The following FARP2 variants were observed in gnomAD, a reference collection of about 807,000 sequenced individuals.
The protein encoded by FARP2 is FERM, ARHGEF and pleckstrin domain-containing protein 2.
Under a neutral mutation model 130.5 loss-of-function variants are expected in FARP2, and 111 were observed. The observed-to-expected ratio is 0.85, with a 90% CI of 0.73 to 1.00. The LOEUF (loss-of-function observed/expected upper bound fraction) is 1.00. Ranked by LOEUF, FARP2 falls within the 50% of genes least tolerant of loss-of-function variation. FARP2 has a pLI of 0.00. For missense variants in FARP2, 1,385 were observed against 1,346.3 expected (o/e 1.03, Z -0.45); for synonymous variants, 504 against 516.9 (o/e 0.98, Z 0.34).
Position 241,431,663 on chromosome 2 carries a change from G to C in FARP2, c.772-16G>C. The C allele has an allele frequency of 7.4e-7, 1 of 1,358,972 alleles. No homozygotes were observed. 84.2% of individuals were successfully genotyped at this position (1,358,972 alleles called of 1,614,324 possible). A position where few individuals can be genotyped will look rare whatever the true frequency, so the allele number is the denominator to read the frequency against. On this transcript the variant is annotated splice_polypyrimidine_tract_variant and intron_variant, in intron 8 of 26. Coordinates refer to ENST00000264042, the MANE Select transcript of FARP2 (RefSeq NM_014808.4). ...TGCCAGATACAAATGTAATCTGTCTGTCTCTTGCATTTCAGGGCACCACCA... is the reference window on the plus strand; with the variant it reads ...TGCCAGATACAAATGTAATCTGTCTCTCTCTTGCATTTCAGGGCACCACCA...
At chr2:241,489,258 T>C (rs1308379009) in intron 21 of FARP2, 1 of 152,230 alleles carries the variant, frequency 6.6e-6, no homozygotes, top group African/African-American at 2.4e-5. Context: ...TTCCTGACTG[T>C]TAAGGGAAGG....
rs1180224982 is a variant in FARP2 at position 241,453,769 on chromosome 2, G to GTTTTTTTTTTTTTTTTTTTTTTTTTTT, written c.1412-2972_1412-2946dup. ...TGTTTACTGGGAGTGGCACTTACTG[G>GTTTTTTTTTTTTTTTTTTTTTTTTTTT]TTTTTTTTTTTTTTTTTTTTTTTTT... On this transcript the variant is annotated intron_variant, in intron 13 of 26. Coordinates refer to ENST00000264042, the MANE Select transcript of FARP2 (RefSeq NM_014808.4). Among the ~76,000 whole-genome samples, 2 of 54,020 alleles carry GTTTTTTTTTTTTTTTTTTTTTTTTTTT rather than the reference G, an allele frequency of 3.7e-5. 1 individual carries two copies. The highest frequency in any genetic ancestry group is 1.5e-4 in the African/African-American group (2 of 13,688). The allele number at this position is 54,020 out of a possible 152,430, so 35.4% of individuals were successfully genotyped here. A position where few individuals can be genotyped will look rare whatever the true frequency, so the allele number is the denominator to read the frequency against.
chr2:241,449,893 G>A (rs563680311), intron 13 of FARP2, among the ~76,000 whole-genome samples: 3 of 152,002 alleles, frequency 2.0e-5, no homozygotes, highest in Non-Finnish European at 2.9e-5. Context: ...TGTAATCCCA[G>A]CTATTCAGGA....
intron 14 of FARP2, among the ~76,000 whole-genome samples, chr2:241,458,610 C>CA (rs1291762209): frequency 4.0e-5 from 6 of 151,688 alleles, no homozygotes; most frequent in Non-Finnish European, 7.4e-5. Flanking sequence ...AGACTGTTTC[C>CA]AAAAAAGATG....
chr2:241,366,100 A>T (rs796473903), intron 1 of FARP2, among the ~76,000 whole-genome samples: 3,155 of 9,208 alleles, frequency 0.34, 183 homozygotes, highest in African/African-American at 0.44. Flanking sequence ...ACTAAAAAAA[A>T]AAAAATATAT....
intron 21 of FARP2, among the ~76,000 whole-genome samples, chr2:241,486,481 A>C (rs1042395453): frequency 1.4e-5 from 2 of 137,982 alleles, no homozygotes; most frequent in Admixed American, 7.6e-5. Context: ...AAAAAAAAAA[A>C]AAAAAACACA....
chr2:241,410,918 T>C, intron 5 of FARP2, 115 bp from the exon 6 acceptor site: 1 of 719,186 alleles, frequency 1.4e-6, no homozygotes, highest in Non-Finnish European at 2.4e-6. Context: ...TTGCTCACTG[T>C]TGGGTCACTG....
intron 2 of FARP2, among the ~76,000 whole-genome samples, chr2:241,389,411 T>TA (rs1366132910): frequency 6.6e-6 from 1 of 152,252 alleles, no homozygotes; most frequent in African/African-American, 2.4e-5. Flanking sequence ...GGCCATCTGT[T>TA]AACCAAGCCT....
intron 8 of FARP2, among the ~76,000 whole-genome samples, chr2:241,424,796 G>A (rs1019466910): frequency 3.3e-5 from 5 of 152,052 alleles, no homozygotes; most frequent in Admixed American, 6.6e-5. Context: ...AAATATAAAC[G>A]ATCATCAGAG....
intron 17 of FARP2, chr2:241,465,465 C>T (rs748755204): frequency 5.9e-5 from 91 of 1,550,336 alleles, no homozygotes; most frequent in Non-Finnish European, 7.8e-6. Flanking sequence ...TTCAGGTGTT[C>T]CAGCTCCACG....
intron 1 of FARP2, among the ~76,000 whole-genome samples, chr2:241,359,764 A>G (rs866675442): frequency 3.3e-5 from 5 of 152,198 alleles, no homozygotes; most frequent in African/African-American, 7.2e-5. Flanking sequence ...ACACCATGCA[A>G]TCACGATGGG....
intron 22 of FARP2, 51 bp downstream of exon 22, chr2:241,490,095 G>C: frequency 7.6e-7 from 1 of 1,312,378 alleles, no homozygotes; most frequent in Non-Finnish European, 1.1e-6. Flanking sequence ...GGAGGGGTGG[G>C]GACTTCCTCG....
rs768612869 is a variant in FARP2 at position 241,413,387 on chromosome 2, C to G, written c.589C>G (p.Leu197Val). Reference sequence around the variant, plus strand: ...GTATTTGCCTGGCCAGCAGCACTGCCTTGAGAAGATACTAGAATTCCATCA... The same window carrying G: ...GTATTTGCCTGGCCAGCAGCACTGCGTTGAGAAGATACTAGAATTCCATCA... ...NEYLPGQQHC[L>V]EKILEFHQKH... Residue 197 changes from leucine (L) to valine (V), a missense_variant, in exon 7 of 27, where the codon CTT (leucine) becomes GTT (valine). By Grantham distance (32) the Leu-to-Val change is conservative. Coordinates refer to ENST00000264042, the MANE Select transcript of FARP2 (RefSeq NM_014808.4). 16 of 1,611,952 alleles carry G rather than the reference C, an allele frequency of 9.9e-6. No individual in the cohort carries two copies. In the East Asian group the frequency reaches 3.6e-4, roughly 36 times the overall value.
chr2:241,357,468 T>C (rs571535849), intron 1 of FARP2, among the ~76,000 whole-genome samples: 2 of 152,284 alleles, frequency 1.3e-5, no homozygotes, highest in African/African-American at 4.8e-5. Context: ...GTTGAAAGTT[T>C]TGTTTTGTTT....
At chr2:241,402,643 GT>G (rs2062198238) in intron 2 of FARP2, among the ~76,000 whole-genome samples, 1 of 150,958 alleles carries the variant, frequency 6.6e-6, no homozygotes, top group Non-Finnish European at 1.5e-5. Context: ...TGTGAGTAAT[GT>G]ACAATAAAAC....
intron 2 of FARP2, among the ~76,000 whole-genome samples, chr2:241,378,096 T>G (rs2061579406): frequency 6.6e-6 from 1 of 152,050 alleles, no homozygotes. Context: ...GATATTTTTA[T>G]TTTTATTTTA....
Position 241,475,815 on chromosome 2 carries a change from A to G in FARP2, c.2132-42A>G. 1 of 1,556,234 alleles carries G rather than the reference A, an allele frequency of 6.4e-7. No homozygotes were observed. Among genetic ancestry groups the G allele is most frequent in the Non-Finnish European group, 8.7e-7 (1 of 1,151,408 alleles). On this transcript the variant is annotated intron_variant, in intron 18 of 26. Coordinates refer to ENST00000264042, the MANE Select transcript of FARP2 (RefSeq NM_014808.4). The surrounding 1 kb of genome is among the most constrained non-coding windows in gnomAD (Gnocchi z 4.4). Reference sequence around the variant, plus strand: ...GTGGTGGGTGGAGGGTGCTGTGCACACCACTGCCTGTACACCTGTACTGAG... The same window carrying G: ...GTGGTGGGTGGAGGGTGCTGTGCACGCCACTGCCTGTACACCTGTACTGAG...
At position 241,430,999 on chromosome 2, in the gene FARP2, C is replaced by CA. The variant is rs566980078; in HGVS notation, c.772-668dup. ...TAGGTGATAGAGTGAGACTCTGTCT[C>CA]AAAAAAAAAAAAGAAAAAAAGTGCA... is the stretch of plus-strand genomic sequence containing the variant. On this transcript the variant is annotated intron_variant, in intron 8 of 26. Transcript: ENST00000264042. 4.7e-3 allele frequency among the ~76,000 whole-genome samples: 599 copies of CA among 127,608 alleles called. 2 individuals are homozygous for CA. Among genetic ancestry groups the CA allele is most frequent in the African/African-American group, 6.2e-3 (215 of 34,474 alleles). 83.7% of individuals were successfully genotyped at this position (127,608 alleles called of 152,430 possible).
At chr2:241,478,856 T>C in intron 19 of FARP2, 1 of 385,096 alleles carries the variant, frequency 2.6e-6, no homozygotes, top group Non-Finnish European at 5.0e-6. Flanking sequence ...CAATGGCTCT[T>C]CTTACAACTA....
Sources: allele counts gnomAD v4.1 joint callset (sites outside exome capture counted in the v4.1 genomes callset), GRCh38; gene constraint gnomAD v4.1.1; non-coding constraint Gnocchi (gnomAD v3.1); transcripts MANE v1.5; gene names NCBI Gene and HGNC (gene_info 2026-07-23, HGNC 2026-07-21).